The following GCHFR variants were observed in gnomAD, a reference collection of about 807,000 sequenced individuals.
The protein encoded by GCHFR is GTP cyclohydrolase 1 feedback regulatory protein.
A neutral mutation model predicts 10.6 loss-of-function variants in GCHFR; 12 were observed. The ratio of observed to expected loss-of-function variants is 1.13; its 90% CI spans 0.72 to 1.83. GCHFR has a LOEUF of 1.83. GCHFR is among the 40% of genes most tolerant of loss of function. The pLI, the probability that GCHFR is intolerant of heterozygous loss-of-function variation, is 0.00. For missense variants in GCHFR, 116 were observed against 110.6 expected, an observed-to-expected ratio of 1.05 and a Z score of -0.22; for synonymous variants, 54 against 43.7, an observed-to-expected ratio of 1.24 and a Z score of -0.93.
chr15:40,765,664 C>T (rs1347703158), intron 1 of GCHFR, 163 bp from the exon 2 acceptor site: 2 of 412,120 alleles, frequency 4.9e-6, no homozygotes, highest in Non-Finnish European at 8.7e-6. Flanking sequence ...TTGATGGGCT[C>T]CACCCCTTCA....
chr15:40,764,251 A>G, intron 1 of GCHFR, 35 bp downstream of exon 1: 3 of 1,538,964 alleles, frequency 1.9e-6, no homozygotes, highest in Non-Finnish European at 2.6e-6. Context: ...TGGAGCCGGG[A>G]CCAGGCCCTA....
chr15:40,764,253 C>A, intron 1 of GCHFR, 37 bp downstream of exon 1: 1 of 1,537,890 alleles, frequency 6.5e-7, no homozygotes, highest in South Asian at 1.2e-5. Flanking sequence ...GAGCCGGGAC[C>A]AGGCCCTAGG....
Position 40,767,691 on chromosome 15 carries a change from A to G in GCHFR, c.*342A>G. 3.2e-6 allele frequency: 2 copies of G among 615,614 alleles called. No individual in the cohort carries two copies. Among genetic ancestry groups the G allele is most frequent in the Non-Finnish European group, 5.4e-6 (2 of 370,568 alleles). 38.1% of individuals were successfully genotyped at this position (615,614 alleles called of 1,614,324 possible). A position where few individuals can be genotyped will look rare whatever the true frequency, so the allele number is the denominator to read the frequency against. On this transcript the variant is annotated 3_prime_UTR_variant, in exon 3 of 3. Coordinates refer to ENST00000260447, the MANE Select transcript of GCHFR (RefSeq NM_005258.3). The stretch of plus-strand genomic sequence containing the variant: ...TCCTGCATAGCTAGCCCAAGCCAAT[A>G]AAGGGCTGTGATGAGTGGCTGCGCC...
intron 1 of GCHFR, chr15:40,765,485 G>T: frequency 5.6e-6 from 1 of 179,818 alleles, no homozygotes. Flanking sequence ...CACCCAGGCT[G>T]GAGTGCAGTG....
intron 2 of GCHFR, 24 bp from the exon 3 acceptor site, chr15:40,767,202 C>A (rs1888968348): frequency 6.8e-7 from 1 of 1,470,444 alleles, no homozygotes; most frequent in East Asian, 2.7e-5. Context: ...CCCTCCTCAC[C>A]CCCCCCATCC....
intron 1 of GCHFR, chr15:40,765,581 T>C (rs544809155): frequency 3.1e-6 from 1 of 322,920 alleles, no homozygotes; most frequent in South Asian, 1.4e-4. Context: ...AACTATAGGC[T>C]CGTGATACTT....
intron 2 of GCHFR, 155 bp downstream of exon 2, chr15:40,766,076 T>G (rs1888941815): frequency 2.2e-6 from 1 of 451,524 alleles, no homozygotes; most frequent in African/African-American, 2.0e-5. Context: ...TGGTCCCATC[T>G]GTAGCCTCTC....
rs558689699 is a variant in GCHFR, at chr15:40,767,542, G to C, written c.*193G>C. 6.3e-5 allele frequency: 41 copies of C among 649,068 alleles called. No homozygotes were observed. The highest frequency in any genetic ancestry group is 4.3e-4 in the Middle Eastern group (1 of 2,344). 40.2% of individuals were successfully genotyped at this position (649,068 alleles called of 1,614,324 possible). On this transcript the variant is annotated 3_prime_UTR_variant, in exon 3 of 3. Transcript: ENST00000260447. The stretch of plus-strand genomic sequence containing the variant: ...CAAGCAGTGGGAGAGGGCAGTGCCC[G>C]GTGCCCTGGTGCTCCCAGCTGCCCT...
chr15:40,764,078 T>A lies in GCHFR; in HGVS notation c.-103T>A, dbSNP rs1888895683. On this transcript the variant is annotated 5_prime_UTR_variant, in exon 1 of 3. Coordinates refer to ENST00000260447, the MANE Select transcript of GCHFR (RefSeq NM_005258.3). ...ACGCCGCCTGTGGCCAGAGCCGGAGTAACGGGACTCCCAGCTGCGCGTCGC... is the reference window on the plus strand; with the variant it reads ...ACGCCGCCTGTGGCCAGAGCCGGAGAAACGGGACTCCCAGCTGCGCGTCGC... 1 of 1,156,766 alleles carries A rather than the reference T, an allele frequency of 8.6e-7. No individual in the cohort carries two copies. The highest frequency in any genetic ancestry group is 1.6e-5 in the African/African-American group (1 of 62,288). 71.7% of individuals were successfully genotyped at this position (1,156,766 alleles called of 1,614,324 possible). A position where few individuals can be genotyped will look rare whatever the true frequency, so the allele number is the denominator to read the frequency against.
chr15:40,764,330 G>C lies in GCHFR; in HGVS notation c.36+114G>C, dbSNP rs907598129. 11 of 828,858 alleles carry C rather than the reference G, an allele frequency of 1.3e-5. No individual in the cohort carries two copies. In the South Asian group the frequency reaches 2.5e-4, roughly 19 times the overall value. 51.3% of individuals were successfully genotyped at this position (828,858 alleles called of 1,614,324 possible). Reference sequence around the variant, plus strand: ...CCACCGGGGACTGGACCGGGAACCCGCCCAGACACGCCCCCTTGGCCGGGG... The same window carrying C: ...CCACCGGGGACTGGACCGGGAACCCCCCCAGACACGCCCCCTTGGCCGGGG... On this transcript the variant is annotated intron_variant, in intron 1 of 2. Coordinates refer to ENST00000260447, the MANE Select transcript of GCHFR (RefSeq NM_005258.3).
intron 2 of GCHFR, 175 bp downstream of exon 2, chr15:40,766,096 C>A: frequency 2.3e-6 from 1 of 433,214 alleles, no homozygotes; most frequent in East Asian, 3.6e-5. Context: ...CCAACATCCC[C>A]CCTCTCCCCC....
intron 1 of GCHFR, chr15:40,764,422 C>T (rs772415976): frequency 2.0e-6 from 1 of 503,374 alleles, no homozygotes; most frequent in Non-Finnish European, 3.5e-6. Context: ...GGCCTGAAGC[C>T]TTTATTGCCG....
chr15:40,764,120 G>C lies in GCHFR; in HGVS notation c.-61G>C, dbSNP rs1322899234. 18 of 1,480,902 alleles carry C rather than the reference G, an allele frequency of 1.2e-5. No homozygotes were observed. Among genetic ancestry groups the C allele is most frequent in the Non-Finnish European group, 1.6e-5 (18 of 1,097,812 alleles). 91.7% of individuals were successfully genotyped at this position (1,480,902 alleles called of 1,614,324 possible). On this transcript the variant is annotated 5_prime_UTR_variant, in exon 1 of 3. Transcript: ENST00000260447. ...GCGCGTCGCAGTCCCGACGCGAGAA[G>C]GGCTGGAGTCGGCGTCCAGCCTAGA...
chr15:40,764,155 G>A lies in GCHFR; in HGVS notation c.-26G>A. ...CGGCGTCCAGCCTAGAGCCCCCGGT[G>A]GGAGCCAGGCCGGGACGCGTGCACC... On this transcript the variant is annotated 5_prime_UTR_variant, in exon 1 of 3. Coordinates refer to ENST00000260447, the MANE Select transcript of GCHFR (RefSeq NM_005258.3). The A allele has an allele frequency of 1.9e-6, 3 of 1,544,624 alleles. No homozygotes were observed. Among genetic ancestry groups the A allele is most frequent in the Non-Finnish European group, 2.6e-6 (3 of 1,146,206 alleles).
intron 2 of GCHFR, 105 bp from the exon 3 acceptor site, chr15:40,767,121 G>C: frequency 8.2e-7 from 1 of 1,220,972 alleles, no homozygotes; most frequent in Non-Finnish European, 1.1e-6. Context: ...GCCAGCAAGT[G>C]TGAGTCACTA....
Position 40,765,887 on chromosome 15 carries a change from G to C in GCHFR, c.97G>C (p.Gly33Arg). The part of the protein sequence containing the change: ...QSDPELMQHL[G>R]ASKRRALGNN... ...GGATCCAGAGCTGATGCAGCATCTGGGGGCTTCAAAGAGAAGAGCCTTGGG... is the reference window on the plus strand; with the variant it reads ...GGATCCAGAGCTGATGCAGCATCTGCGGGCTTCAAAGAGAAGAGCCTTGGG... Residue 33 changes from glycine (G) to arginine (R), a missense_variant, in exon 2 of 3, where the codon GGG (glycine) becomes CGG (arginine). By Grantham distance (125) the Gly-to-Arg change is moderately radical (BLOSUM62 -2). Transcript: ENST00000260447. 1 of 1,582,306 alleles carries C rather than the reference G, an allele frequency of 6.3e-7. No individual in the cohort carries two copies. Among genetic ancestry groups the C allele is most frequent in the East Asian group, 2.3e-5 (1 of 43,248 alleles).
Position 40,767,092 on chromosome 15 carries a change from C to G in GCHFR, c.132-134C>G, listed in dbSNP as rs73398512. On this transcript the variant is annotated intron_variant, in intron 2 of 2. Coordinates refer to ENST00000260447, the MANE Select transcript of GCHFR (RefSeq NM_005258.3). Reference sequence around the variant, plus strand: ...GGAGGAGGCAGGGGGCGTGCACTTACCCCAGCGCCCAGCAAGCAGCCAGCA... The same window carrying G: ...GGAGGAGGCAGGGGGCGTGCACTTAGCCCAGCGCCCAGCAAGCAGCCAGCA... 0.012 allele frequency: 10,750 copies of G among 871,254 alleles called. 691 individuals are homozygous for G. The African/African-American group carries it at 0.15, about 12-fold the overall frequency. 54.0% of individuals were successfully genotyped at this position (871,254 alleles called of 1,614,324 possible). A position where few individuals can be genotyped will look rare whatever the true frequency, so the allele number is the denominator to read the frequency against.
In GCHFR at chr15:40,765,775, T is replaced by C. The variant is rs1888933436; in HGVS notation, c.37-52T>C. 9.8e-6 allele frequency: 9 copies of C among 914,682 alleles called. No homozygotes were observed. The South Asian group carries it at 1.5e-4, about 15-fold the overall frequency. 56.7% of individuals were successfully genotyped at this position (914,682 alleles called of 1,614,324 possible). On this transcript the variant is annotated intron_variant, in intron 1 of 2. Coordinates refer to ENST00000260447, the MANE Select transcript of GCHFR (RefSeq NM_005258.3). Reference sequence around the variant, plus strand: ...CAGGGGAGGAAGGACAGGCAAGACCTTCCACCTCCTCCTGGCAGCCAGCCA... The same window carrying C: ...CAGGGGAGGAAGGACAGGCAAGACCCTCCACCTCCTCCTGGCAGCCAGCCA...
At chr15:40,764,242 G>A in intron 1 of GCHFR, 26 bp downstream of exon 1, 1 of 1,545,782 alleles carries the variant, frequency 6.5e-7, no homozygotes, top group Non-Finnish European at 8.7e-7. Flanking sequence ...CTGGCGACTT[G>A]GAGCCGGGAC....
Sources: allele counts gnomAD v4.1 joint callset, GRCh38; gene constraint gnomAD v4.1.1; transcripts MANE v1.5; gene names NCBI Gene and HGNC (gene_info 2026-07-23, HGNC 2026-07-21).